Variants in RNGTT observed in about 807,000 individuals in gnomAD.
RNGTT encodes mRNA-capping enzyme.
A neutral mutation model predicts 79.3 loss-of-function variants in RNGTT; 33 were observed. That is an observed-to-expected ratio of 0.42 (90% CI 0.32 to 0.56). The LOEUF is 0.56. RNGTT is among the 20% of genes least tolerant of loss of function. RNGTT has a pLI of 0.17. For missense variants in RNGTT, 497 were observed against 739.1 expected, an observed-to-expected ratio of 0.67 and a Z score of 3.80; for synonymous variants, 222 against 235.9, an observed-to-expected ratio of 0.94 and a Z score of 0.54.
Position 88,789,858 on chromosome 6 carries a change from T to C in RNGTT, c.1338+11706A>G, listed in dbSNP as rs184652979. ...ATCAGGACTTGTTCTCCACTTTATA[T>C]ACACTCACCCTTTCACTCAACTATC... On this transcript the variant is annotated intron_variant, in intron 12 of 15. Transcript: ENST00000369485. Among the ~76,000 whole-genome samples, 229 of 152,362 alleles carry C rather than the reference T, an allele frequency of 1.5e-3. 2 individuals carry two copies. Among genetic ancestry groups the C allele is most frequent in the African/African-American group, 5.3e-3 (219 of 41,586 alleles).
intron 11 of RNGTT, among the ~76,000 whole-genome samples, chr6:88,805,123 T>C (rs947793503): frequency 6.6e-6 from 1 of 152,224 alleles, no homozygotes. Flanking sequence ...ACTTTTGTTA[T>C]GGCCATCAGA....
intron 2 of RNGTT, among the ~76,000 whole-genome samples, chr6:88,933,922 T>C (rs1012755578): frequency 6.6e-6 from 1 of 152,226 alleles, no homozygotes; most frequent in Non-Finnish European, 1.5e-5. Flanking sequence ...TTCCATACTG[T>C]TTTCCATGGT....
chr6:88,904,032 G>C (rs1314632314), intron 6 of RNGTT, among the ~76,000 whole-genome samples: 1 of 152,126 alleles, frequency 6.6e-6, no homozygotes, highest in Admixed American at 6.6e-5. Flanking sequence ...ACCCAGGGAG[G>C]GGGATGCAGA....
chr6:88,627,765 T>C (rs1772687940), intron 14 of RNGTT, among the ~76,000 whole-genome samples: 1 of 152,042 alleles, frequency 6.6e-6, no homozygotes, highest in Non-Finnish European at 1.5e-5. Flanking sequence ...CCTTGAACCA[T>C]TAGACTAAAA....
intron 14 of RNGTT, among the ~76,000 whole-genome samples, chr6:88,637,108 C>T (rs900911846): frequency 6.6e-6 from 1 of 152,020 alleles, no homozygotes; most frequent in African/African-American, 2.4e-5. Flanking sequence ...ATTTGGTAGA[C>T]ATGGGGGGTC....
At chr6:88,862,339 C>T (rs144068840) in intron 8 of RNGTT, among the ~76,000 whole-genome samples, 636 of 152,216 alleles carry the variant, frequency 4.2e-3, no homozygotes, top group Middle Eastern at 0.01. Flanking sequence ...TACTCCCTCA[C>T]GCCTACATAA....
chr6:88,879,717 A>G (rs1782635182), intron 8 of RNGTT, among the ~76,000 whole-genome samples: 1 of 152,230 alleles, frequency 6.6e-6, no homozygotes, highest in African/African-American at 2.4e-5. Context: ...ACTTTAAAAA[A>G]GCAAATTTTA....
intron 7 of RNGTT, among the ~76,000 whole-genome samples, chr6:88,891,460 C>T (rs1407162392): frequency 6.6e-6 from 1 of 152,108 alleles, no homozygotes; most frequent in Non-Finnish European, 1.5e-5. Flanking sequence ...CTTCTGATTA[C>T]AGAAAAACTG....
intron 4 of RNGTT, among the ~76,000 whole-genome samples, chr6:88,923,968 G>A (rs554546681): frequency 2.6e-4 from 40 of 152,340 alleles, no homozygotes; most frequent in Non-Finnish European, 5.4e-4. Context: ...ACGTGCCCCT[G>A]GCAGCCCCAG....
chr6:88,804,054 A>G (rs989910618), intron 11 of RNGTT, among the ~76,000 whole-genome samples: 3 of 152,166 alleles, frequency 2.0e-5, no homozygotes, highest in African/African-American at 7.2e-5. Flanking sequence ...AAGACCTACA[A>G]TGGAGTGTTG....
In RNGTT at chr6:88,928,883, A is replaced by G. The variant is rs1784399492; in HGVS notation, c.367+102T>C. 1.4e-5 allele frequency: 11 copies of G among 780,502 alleles called. No homozygotes were observed. In the East Asian group the frequency reaches 2.5e-4, roughly 18 times the overall value. The allele number at this position is 780,502 out of a possible 1,614,324, so 48.3% of individuals were successfully genotyped here. ...AATAAACACTACTTGGTCATTATTT[A>G]AAACAGAAAAAACTTTCATATCAAC... On this transcript the variant is annotated intron_variant, in intron 4 of 15. Coordinates refer to ENST00000369485, the MANE Select transcript of RNGTT (RefSeq NM_003800.5).
chr6:88,835,430 A>G (rs924683532), intron 11 of RNGTT, among the ~76,000 whole-genome samples: 2 of 152,236 alleles, frequency 1.3e-5, no homozygotes, highest in Non-Finnish European at 2.9e-5. Context: ...TCAACAGGAA[A>G]AGTAAACATG....
At chr6:88,892,534 G>A (rs1483391495) in intron 6 of RNGTT, among the ~76,000 whole-genome samples, 1 of 152,022 alleles carries the variant, frequency 6.6e-6, no homozygotes, top group Non-Finnish European at 1.5e-5. Context: ...ACTCATCATG[G>A]AATTTTTAAT....
At chr6:88,780,922 C>T (rs1040662586) in intron 12 of RNGTT, among the ~76,000 whole-genome samples, 1 of 152,044 alleles carries the variant, frequency 6.6e-6, no homozygotes, top group Non-Finnish European at 1.5e-5. Context: ...GATTTTGCCT[C>T]CAAGGGATAT....
chr6:88,944,950 A>G (rs1223449907), intron 1 of RNGTT, among the ~76,000 whole-genome samples: 1 of 152,214 alleles, frequency 6.6e-6, no homozygotes, highest in Non-Finnish European at 1.5e-5. Context: ...TGCTTCCAGT[A>G]AACTGAACTG....
intron 11 of RNGTT, among the ~76,000 whole-genome samples, chr6:88,811,436 G>A (rs1340769390): frequency 1.3e-5 from 2 of 152,152 alleles, no homozygotes; most frequent in African/African-American, 4.8e-5. Flanking sequence ...AACTGACAAA[G>A]GTTACCATAT....
chr6:88,713,251 C>G (rs1236006502), intron 13 of RNGTT, among the ~76,000 whole-genome samples: 1 of 152,008 alleles, frequency 6.6e-6, no homozygotes, highest in African/African-American at 2.4e-5. Flanking sequence ...GAGGGTACAA[C>G]AAGAAGGCTG....
chr6:88,766,139 G>A (rs1778452847), intron 13 of RNGTT, among the ~76,000 whole-genome samples: 1 of 152,058 alleles, frequency 6.6e-6, no homozygotes, highest in Admixed American at 6.6e-5. Flanking sequence ...CCTTACAGAC[G>A]TCTTATGAGG....
chr6:88,780,194 T>G (rs9353609), intron 12 of RNGTT, among the ~76,000 whole-genome samples: 21,068 of 152,170 alleles, frequency 0.14, 1,591 homozygotes, highest in Middle Eastern at 0.23. Context: ...TCAAATACTT[T>G]AATAAAATAA....
Sources: allele counts gnomAD v4.1 joint callset (sites outside exome capture counted in the v4.1 genomes callset), GRCh38; gene constraint gnomAD v4.1.1; transcripts MANE v1.5; gene names NCBI Gene and HGNC (gene_info 2026-07-23, HGNC 2026-07-21).